The following SUGCT variants were observed in gnomAD, a reference collection of about 807,000 sequenced individuals.
SUGCT encodes succinyl-CoA:glutarate CoA-transferase.
Under a neutral mutation model 55.0 loss-of-function variants are expected in SUGCT, and 41 were observed. The ratio of observed to expected loss-of-function variants is 0.74; its 90% CI spans 0.58 to 0.97. The LOEUF (loss-of-function observed/expected upper bound fraction) is 0.97, where lower values mean the gene tolerates loss of function less well. Among genes scored for constraint, SUGCT ranks in the 50% least tolerant of loss-of-function variants. SUGCT has a pLI of 0.00. For synonymous variants in SUGCT, 187 were observed against 200.4 expected (o/e 0.93, Z 0.56); for missense variants, 568 against 547.8 (o/e 1.04, Z -0.37).
intron 9 of SUGCT, among the ~76,000 whole-genome samples, chr7:40,340,166 G>GAAATC (rs1474934847): frequency 1.3e-5 from 2 of 152,098 alleles, no homozygotes; most frequent in Non-Finnish European, 2.9e-5. Context: ...TAGTATGAGA[G>GAAATC]AAATCACACT....
chr7:40,629,181 A>G (rs1003140779), intron 12 of SUGCT, among the ~76,000 whole-genome samples: 2 of 152,138 alleles, frequency 1.3e-5, no homozygotes, highest in African/African-American at 2.4e-5. Context: ...TCAAACAGCT[A>G]CATACAGCCG....
chr7:40,194,907 G>A, intron 5 of SUGCT, 33 bp from the exon 6 acceptor site: 1 of 1,599,700 alleles, frequency 6.3e-7, no homozygotes, highest in Non-Finnish European at 8.5e-7. Flanking sequence ...TTTGTTGAGT[G>A]GAAGTCTGAC....
chr7:40,578,569 G>C (rs982575878), intron 12 of SUGCT, among the ~76,000 whole-genome samples: 1 of 151,294 alleles, frequency 6.6e-6, no homozygotes, highest in African/African-American at 2.4e-5. Context: ...CCTCTTCAGT[G>C]GTTCTGTCCT....
intron 1 of SUGCT, among the ~76,000 whole-genome samples, chr7:40,177,674 A>C (rs77623083): frequency 0.038 from 5,728 of 152,042 alleles, 344 homozygotes; most frequent in African/African-American, 0.13. Context: ...CCTCTCAGCT[A>C]TTGTGTTGGT....
chr7:40,477,228 G>A (rs1032803993), intron 11 of SUGCT, among the ~76,000 whole-genome samples: 30 of 152,158 alleles, frequency 2.0e-4, no homozygotes, highest in Admixed American at 1.8e-3. Flanking sequence ...TTGAGTGATA[G>A]TTCTGTAAAT....
intron 12 of SUGCT, among the ~76,000 whole-genome samples, chr7:40,653,060 T>C (rs1302018193): frequency 6.6e-6 from 1 of 152,200 alleles, no homozygotes; most frequent in East Asian, 1.9e-4. Context: ...GCTTCATCTC[T>C]ACCATGAAGA....
At chr7:40,998,131 C>T in the SUGCT span, among the ~76,000 whole-genome samples, 18 of 152,122 alleles carry the variant, frequency 1.2e-4, no homozygotes, top group Non-Finnish European at 2.6e-4. Flanking sequence ...CTCTGAGAGA[C>T]TGAGGTGGGC....
the SUGCT span, among the ~76,000 whole-genome samples, chr7:40,945,906 C>T: frequency 6.6e-6 from 1 of 152,046 alleles, no homozygotes; most frequent in Non-Finnish European, 1.5e-5. Context: ...CCTCTAGTCT[C>T]CCAGGAGCAG....
intron 13 of SUGCT, chr7:40,783,450 C>T (rs961400767): frequency 1.3e-5 from 2 of 152,144 alleles, no homozygotes; most frequent in African/African-American, 4.8e-5. Context: ...AGAAACTCTT[C>T]TGAAAATTTC....
chr7:40,845,059 T>TA (rs1793489605), intron 13 of SUGCT, among the ~76,000 whole-genome samples: 1 of 151,924 alleles, frequency 6.6e-6, no homozygotes, highest in Non-Finnish European at 1.5e-5. Flanking sequence ...TGGTGGTTTA[T>TA]TTTTTATTTT....
chr7:40,975,950 T>TGGCTCCATGG, the SUGCT span, among the ~76,000 whole-genome samples: 37 of 152,328 alleles, frequency 2.4e-4, no homozygotes, highest in South Asian at 1.0e-3. Context: ...AGCCCTGCCT[T>TGGCTCCATGG]AACTAAGCTC....
rs185530271 is a variant in SUGCT at position 40,141,855 on chromosome 7, C to T, written c.100+6735C>T. The T allele has an allele frequency of 5.1e-3, 2,173 of 423,916 alleles. 10 individuals carry two copies. Among genetic ancestry groups the T allele is most frequent in the Admixed American group, 9.8e-3 (396 of 40,468 alleles). 26.3% of individuals were successfully genotyped at this position (423,916 alleles called of 1,614,324 possible). On this transcript the variant is annotated intron_variant, in intron 1 of 13. Coordinates refer to ENST00000335693, the MANE Select transcript of SUGCT (RefSeq NM_001193313.2). ...AATGTACTTCTATAGAAGAATGCGC[C>T]CTTACAGATGGAACAATGGTGAGCA...
At chr7:40,372,738 A>G (rs1403239158) in intron 9 of SUGCT, among the ~76,000 whole-genome samples, 1 of 152,098 alleles carries the variant, frequency 6.6e-6, no homozygotes, top group African/African-American at 2.4e-5. Flanking sequence ...AAGATCACAG[A>G]GAATGTTCTC....
At chr7:40,266,150 G>GT (rs201634226) in intron 7 of SUGCT, among the ~76,000 whole-genome samples, 6 of 142,286 alleles carry the variant, frequency 4.2e-5, no homozygotes, top group Non-Finnish European at 9.3e-5. Flanking sequence ...TTTTGAAATA[G>GT]TTTTTTTTCT....
chr7:40,711,897 G>A (rs1277991111), intron 12 of SUGCT, among the ~76,000 whole-genome samples: 1 of 152,202 alleles, frequency 6.6e-6, no homozygotes, highest in African/African-American at 2.4e-5. Flanking sequence ...GTACAGAACA[G>A]GATGACTGGA....
At chr7:40,668,226 A>G (rs1801751350) in intron 12 of SUGCT, among the ~76,000 whole-genome samples, 1 of 152,186 alleles carries the variant, frequency 6.6e-6, no homozygotes, top group South Asian at 2.1e-4. Context: ...CTGTCTTCAC[A>G]TATGCAGTGC....
intron 8 of SUGCT, among the ~76,000 whole-genome samples, chr7:40,295,416 A>G (rs1373741393): frequency 6.6e-6 from 1 of 152,078 alleles, no homozygotes; most frequent in East Asian, 1.9e-4. Flanking sequence ...TCTCTACTAA[A>G]AATACAAAAA....
chr7:40,665,856 G>C (rs1801600937), intron 12 of SUGCT, among the ~76,000 whole-genome samples: 1 of 151,984 alleles, frequency 6.6e-6, no homozygotes, highest in South Asian at 2.1e-4. Flanking sequence ...TTTTTTAATA[G>C]GTGTGCCGGT....
chr7:40,350,068 C>T (rs2151196057), intron 9 of SUGCT, among the ~76,000 whole-genome samples: 1 of 152,174 alleles, frequency 6.6e-6, no homozygotes, highest in South Asian at 2.1e-4. Flanking sequence ...TATTTTGGTT[C>T]ATTTAGAATA....
Sources: gnomAD v4.1 joint callset for allele counts (sites outside exome capture counted in the v4.1 genomes callset) on GRCh38, gnomAD v4.1.1 for gene constraint, MANE v1.5 for transcripts, NCBI Gene and HGNC (gene_info 2026-07-23, HGNC 2026-07-21) for gene names.